AADACL4: variants seen among roughly 807,000 people sequenced by gnomAD.
AADACL4 encodes arylacetamide deacetylase-like 4.
In AADACL4, 9 loss-of-function variants were observed where a neutral mutation model predicts 14.1. That is an observed-to-expected ratio of 0.64 (90% CI 0.39 to 1.12). The LOEUF (loss-of-function observed/expected upper bound fraction) is 1.12. AADACL4 is among the 50% of genes most tolerant of loss of function. AADACL4 has a pLI of 0.01. For synonymous variants in AADACL4, 188 were observed against 201.6 expected (o/e 0.93, Z 0.57); for missense variants, 531 against 516.1 (o/e 1.03, Z -0.28).
At chr1:12,665,406 T>G (rs1365675044) in intron 3 of AADACL4, among the ~76,000 whole-genome samples, 1 of 152,128 alleles carries the variant, frequency 6.6e-6, no homozygotes, top group Non-Finnish European at 1.5e-5. Context: ...GTATTTTGTT[T>G]AGTAGAGACG....
intron 3 of AADACL4, among the ~76,000 whole-genome samples, chr1:12,665,537 TA>T (rs533674638): frequency 2.6e-5 from 4 of 150,976 alleles, no homozygotes; most frequent in African/African-American, 4.8e-5. Context: ...GATTTTTGAT[TA>T]AAAAAAAAAT....
rs760528182 is a variant in AADACL4 at position 12,666,292 on chromosome 1, C to G, written c.781C>G (p.Leu261Val). The G allele has an allele frequency of 6.2e-7, 1 of 1,614,256 alleles. No individual in the cohort carries two copies. Among genetic ancestry groups the G allele is most frequent in the Non-Finnish European group, 8.5e-7 (1 of 1,180,054 alleles). The change falls in exon 4 of 4, where the codon CTC (leucine) becomes GTC (valine). Residue 261 changes from leucine to valine, a missense_variant. Coordinates refer to ENST00000376221, the MANE Select transcript of AADACL4 (RefSeq NM_001013630.2). ...TSLCNYLAID[L>V]SWRDAILNGT... ...TCTGTGTAACTATCTGGCCATTGAC[C>G]TCTCCTGGCGTGACGCCATCTTGAA...
chr1:12,655,570 G>A (rs1647175813), intron 2 of AADACL4, among the ~76,000 whole-genome samples: 1 of 151,928 alleles, frequency 6.6e-6, no homozygotes, highest in Admixed American at 6.6e-5. Flanking sequence ...CACACTTGAA[G>A]CAGTAACCAT....
In AADACL4 at chr1:12,667,047, A is replaced by C; in HGVS notation, c.*312A>C. On this transcript the variant is annotated 3_prime_UTR_variant, in exon 4 of 4. Transcript: ENST00000376221. ...ATTTCTCAAAGCCCCAACATATAAG[A>C]TCTGTGCAGAATAAATGCCAACAAC... 1 of 460,326 alleles carries C rather than the reference A, an allele frequency of 2.2e-6. No individual in the cohort carries two copies. Among genetic ancestry groups the C allele is most frequent in the Non-Finnish European group, 3.8e-6 (1 of 263,974 alleles). 28.5% of individuals were successfully genotyped at this position (460,326 alleles called of 1,614,324 possible). A position where few individuals can be genotyped will look rare whatever the true frequency, so the allele number is the denominator to read the frequency against.
chr1:12,650,052 A>G (rs1037788733), intron 1 of AADACL4, among the ~76,000 whole-genome samples: 1 of 152,202 alleles, frequency 6.6e-6, no homozygotes, highest in Non-Finnish European at 1.5e-5. Flanking sequence ...AATCAAGTTA[A>G]TGATCCAAGC....
At chr1:12,654,154 A>T (rs1274024355) in intron 2 of AADACL4, among the ~76,000 whole-genome samples, 1 of 152,248 alleles carries the variant, frequency 6.6e-6, no homozygotes, top group African/African-American at 2.4e-5. Context: ...GGTGTCTCCC[A>T]GTATTTGGGT....
chr1:12,663,876 T>TTGATAGATTTA lies in AADACL4; in HGVS notation c.449+2024_449+2034dup, dbSNP rs1473740767. Among the ~76,000 whole-genome samples, 2 of 152,164 alleles carry TTGATAGATTTA rather than the reference T, an allele frequency of 1.3e-5. 1 individual carries two copies. The highest frequency in any genetic ancestry group is 2.9e-5 in the Non-Finnish European group (2 of 68,026). On this transcript the variant is annotated intron_variant, in intron 3 of 3. Coordinates refer to ENST00000376221, the MANE Select transcript of AADACL4 (RefSeq NM_001013630.2). ...TAAATAGGAACCTGCTTCGATAACATTGATAGATTTATCAATATATTGACC... is the reference window on the plus strand; with the variant it reads ...TAAATAGGAACCTGCTTCGATAACATTGATAGATTTATGATAGATTTATCAATATATTGACC...
intron 2 of AADACL4, among the ~76,000 whole-genome samples, chr1:12,653,383 AC>A (rs1170136638): frequency 6.6e-6 from 1 of 152,242 alleles, no homozygotes; most frequent in African/African-American, 2.4e-5. Context: ...CTATTGGAGG[AC>A]CCAGGAAAGG....
At chr1:12,661,895 G>A (rs1027206068) in intron 3 of AADACL4, 41 bp downstream of exon 3, 1 of 1,596,386 alleles carries the variant, frequency 6.3e-7, no homozygotes, top group Non-Finnish European at 8.6e-7. Flanking sequence ...ACAGGGGTGA[G>A]AGGAGATAGG....
At chr1:12,659,794 C>T (rs1341267564) in intron 2 of AADACL4, among the ~76,000 whole-genome samples, 2 of 152,164 alleles carry the variant, frequency 1.3e-5, no homozygotes, top group Non-Finnish European at 2.9e-5. Context: ...AGGCATGCAC[C>T]ACCACCCCTA....
At position 12,667,064 on chromosome 1, in the gene AADACL4, G is replaced by A. The variant is rs760942678; in HGVS notation, c.*329G>A. 7.2e-6 allele frequency: 3 copies of A among 416,234 alleles called. No individual in the cohort carries two copies. Among genetic ancestry groups the A allele is most frequent in the Non-Finnish European group, 1.3e-5 (3 of 237,056 alleles). The allele number at this position is 416,234 out of a possible 1,614,324, so 25.8% of individuals were successfully genotyped here. On this transcript the variant is annotated 3_prime_UTR_variant, in exon 4 of 4. Transcript: ENST00000376221. ...CATATAAGATCTGTGCAGAATAAAT[G>A]CCAACAACTGGTCATACCGTCAGTG...
intron 2 of AADACL4, among the ~76,000 whole-genome samples, chr1:12,652,055 C>G (rs1444483563): frequency 6.6e-6 from 1 of 151,622 alleles, no homozygotes; most frequent in South Asian, 2.1e-4. Context: ...GATCTCCTGA[C>G]CTCATGATCT....
At chr1:12,645,389 G>A (rs550635375) in intron 1 of AADACL4, among the ~76,000 whole-genome samples, 3 of 150,918 alleles carry the variant, frequency 2.0e-5, no homozygotes, top group East Asian at 2.0e-4. Flanking sequence ...AACATTTACC[G>A]AGTGCCAATC....
chr1:12,658,090 T>TTTCCTTC (rs755806940), intron 2 of AADACL4, among the ~76,000 whole-genome samples: 1 of 136,164 alleles, frequency 7.3e-6, no homozygotes, highest in Middle Eastern at 3.7e-3. Flanking sequence ...TCTTTCTTTC[T>TTTCCTTC]CTTTCTTTCT....
intron 2 of AADACL4, among the ~76,000 whole-genome samples, chr1:12,660,024 G>T (rs558939602): frequency 6.6e-6 from 1 of 152,304 alleles, no homozygotes; most frequent in African/African-American, 2.4e-5. Flanking sequence ...TCCCTGTGTT[G>T]CCAGGCTAGT....
At position 12,666,452 on chromosome 1, in the gene AADACL4, A is replaced by T; in HGVS notation, c.941A>T (p.Glu314Val). The part of the protein sequence containing the change: ...PGPFNEAAYL[E>V]AKHMLDVENS... ...CCTTTTAATGAAGCTGCCTATCTAG[A>T]AGCCAAACATATGCTGGATGTAGAA... is the stretch of plus-strand genomic sequence containing the variant. Residue 314 changes from glutamate to valine, a missense_variant, in exon 4 of 4, where the codon GAA becomes GTA. Coordinates refer to ENST00000376221, the MANE Select transcript of AADACL4 (RefSeq NM_001013630.2). The T allele has an allele frequency of 6.2e-7, 1 of 1,614,160 alleles. No individual in the cohort carries two copies. Among genetic ancestry groups the T allele is most frequent in the Admixed American group, 1.7e-5 (1 of 60,014 alleles).
intron 1 of AADACL4, among the ~76,000 whole-genome samples, chr1:12,645,699 A>T (rs1190604754): frequency 1.3e-5 from 2 of 151,984 alleles, no homozygotes; most frequent in Non-Finnish European, 2.9e-5. Flanking sequence ...GCGCACCACC[A>T]TGCCCGGCTA....
intron 1 of AADACL4, among the ~76,000 whole-genome samples, chr1:12,646,839 C>T (rs1647114522): frequency 6.6e-6 from 1 of 152,102 alleles, no homozygotes; most frequent in African/African-American, 2.4e-5. Flanking sequence ...GGGCACACTG[C>T]CCATCATGGG....
At chr1:12,654,131 CCATGAACCAAT>C in intron 2 of AADACL4, among the ~76,000 whole-genome samples, 1 of 152,142 alleles carries the variant, frequency 6.6e-6, no homozygotes, top group South Asian at 2.1e-4. Flanking sequence ...AGATCTAATA[CCATGAACCAAT>C]TGGTGTCTCC....
Sources: gnomAD v4.1 joint callset for allele counts (sites outside exome capture counted in the v4.1 genomes callset) on GRCh38, gnomAD v4.1.1 for gene constraint, MANE v1.5 for transcripts, NCBI Gene and HGNC (gene_info 2026-07-23, HGNC 2026-07-21) for gene names.